The following HNRNPA1L2 variants were observed in gnomAD, a reference collection of about 807,000 sequenced individuals.
HNRNPA1L2 encodes heterogeneous nuclear ribonucleoprotein A1 like 2.
A neutral mutation model predicts 18.2 loss-of-function variants in HNRNPA1L2; 10 were observed. That is an observed-to-expected ratio of 0.55 (90% CI 0.34 to 0.93). The LOEUF is 0.93. Ranked by LOEUF, HNRNPA1L2 falls within the 40% of genes least tolerant of loss-of-function variation. HNRNPA1L2 has a pLI of 0.02. For missense variants in HNRNPA1L2, 308 were observed against 394.4 expected, an observed-to-expected ratio of 0.78 and a Z score of 1.85; for synonymous variants, 124 against 138.6, an observed-to-expected ratio of 0.89 and a Z score of 0.74.
chr13:52,620,482 T>G, the HNRNPA1L2 span, among the ~76,000 whole-genome samples: 2 of 152,326 alleles, frequency 1.3e-5, no homozygotes, highest in East Asian at 3.9e-4. Context: ...TGTAATGTGG[T>G]CCCCTGATCA....
chr13:52,627,005 CTCTT>C, the HNRNPA1L2 span, among the ~76,000 whole-genome samples: 1 of 152,168 alleles, frequency 6.6e-6, no homozygotes, highest in African/African-American at 2.4e-5. Flanking sequence ...GAGCTGAGTA[CTCTT>C]CCATTGTTTG....
the HNRNPA1L2 span, among the ~76,000 whole-genome samples, chr13:52,628,185 G>A: frequency 3.3e-5 from 5 of 152,168 alleles, no homozygotes; most frequent in Non-Finnish European, 5.9e-5. Context: ...GCTCATGCCC[G>A]TAATCCCAGC....
At chr13:52,630,095 A>C in the HNRNPA1L2 span, among the ~76,000 whole-genome samples, 1 of 152,262 alleles carries the variant, frequency 6.6e-6, no homozygotes, top group South Asian at 2.1e-4. Flanking sequence ...GCTATTTGAA[A>C]TTACTGAAGT....
Position 52,643,708 on chromosome 13 carries a change from G to A in HNRNPA1L2, c.*253G>A, listed in dbSNP as rs559797574. 6 of 547,036 alleles carry A rather than the reference G, an allele frequency of 1.1e-5. No individual in the cohort carries two copies. The highest frequency in any genetic ancestry group is 9.5e-5 in the African/African-American group (5 of 52,414). The allele number at this position is 547,036 out of a possible 1,614,324, so 33.9% of individuals were successfully genotyped here. ...AAGCATTCCAACAAAGTGTTTTAAT[G>A]TAGATTTTTTTTTTTGCACCCATGC... On this transcript the variant is annotated 3_prime_UTR_variant, in exon 1 of 1. Transcript: ENST00000357495.
chr13:52,637,391 C>T, the HNRNPA1L2 span: 2 of 241,304 alleles, frequency 8.3e-6, no homozygotes, highest in African/African-American at 4.6e-5. Flanking sequence ...GATTGAAGAA[C>T]TGATCCAGGG....
At chr13:52,626,656 C>T in the HNRNPA1L2 span, among the ~76,000 whole-genome samples, 1 of 151,776 alleles carries the variant, frequency 6.6e-6, no homozygotes, top group Non-Finnish European at 1.5e-5. Context: ...TTATATATAC[C>T]TTCACCCAGT....
At chr13:52,632,161 T>G in the HNRNPA1L2 span, among the ~76,000 whole-genome samples, 1 of 152,198 alleles carries the variant, frequency 6.6e-6, no homozygotes, top group African/African-American at 2.4e-5. Context: ...CAAATAAAAA[T>G]TAATGCTAAT....
chr13:52,639,580 T>C (rs1961576317), upstream of HNRNPA1L2, among the ~76,000 whole-genome samples: 1 of 151,928 alleles, frequency 6.6e-6, no homozygotes, highest in Non-Finnish European at 1.5e-5. Flanking sequence ...CAAAGAGAAG[T>C]GCTCTGAGTG....
upstream of HNRNPA1L2, among the ~76,000 whole-genome samples, chr13:52,639,315 A>G (rs569014570): frequency 2.0e-5 from 3 of 152,310 alleles, no homozygotes; most frequent in East Asian, 5.8e-4. Flanking sequence ...CGTTTAAGGT[A>G]GGCTAGTCTA....
In HNRNPA1L2 at chr13:52,643,513, G is replaced by C; in HGVS notation, c.*58G>C. ...CAGAGAAGTGACAGGGAAGCTACAG[G>C]TTACAACAGATTTGTGAACTCAGCC... On this transcript the variant is annotated 3_prime_UTR_variant, in exon 1 of 1. Coordinates refer to ENST00000357495, the MANE Select transcript of HNRNPA1L2 (RefSeq NM_001389320.1). The C allele has an allele frequency of 6.8e-7, 1 of 1,465,008 alleles. No individual in the cohort carries two copies. Among genetic ancestry groups the C allele is most frequent in the Non-Finnish European group, 9.4e-7 (1 of 1,063,288 alleles). The allele number at this position is 1,465,008 out of a possible 1,614,324, so 90.8% of individuals were successfully genotyped here.
the HNRNPA1L2 span, among the ~76,000 whole-genome samples, chr13:52,619,184 G>C: frequency 6.6e-6 from 1 of 151,766 alleles, no homozygotes; most frequent in Admixed American, 6.6e-5. Flanking sequence ...TTTTAGTAGA[G>C]ATGGGGTTTC....
chr13:52,636,368 G>A, the HNRNPA1L2 span, among the ~76,000 whole-genome samples: 1 of 152,148 alleles, frequency 6.6e-6, no homozygotes, highest in Non-Finnish European at 1.5e-5. Flanking sequence ...CAAGATGTTT[G>A]TACCATTTTA....
At chr13:52,635,832 T>TG in the HNRNPA1L2 span, among the ~76,000 whole-genome samples, 2 of 60,640 alleles carry the variant, frequency 3.3e-5, no homozygotes, top group Middle Eastern at 0.01. Context: ...TGTATTACTG[T>TG]TTTTTTTTTT....
chr13:52,634,891 C>G, the HNRNPA1L2 span, among the ~76,000 whole-genome samples: 1 of 152,116 alleles, frequency 6.6e-6, no homozygotes, highest in Non-Finnish European at 1.5e-5. Context: ...ATGAGGTCAT[C>G]TGAAAAAAGT....
rs1018946202 is a variant in HNRNPA1L2, at chr13:52,643,677, A to G, written c.*222A>G. ...TTATTTTAGTTTCTGTTCTGTGGAA[A>G]GTGTAAAGCATTCCAACAAAGTGTT... On this transcript the variant is annotated 3_prime_UTR_variant, in exon 1 of 1. Transcript: ENST00000357495. 1.3e-5 allele frequency: 8 copies of G among 595,834 alleles called. No individual in the cohort carries two copies. Among genetic ancestry groups the G allele is most frequent in the African/African-American group, 1.1e-4 (6 of 53,716 alleles). The allele number at this position is 595,834 out of a possible 1,614,324, so 36.9% of individuals were successfully genotyped here.
At chr13:52,637,378 T>G in the HNRNPA1L2 span, 1 of 237,854 alleles carries the variant, frequency 4.2e-6, no homozygotes, top group African/African-American at 2.3e-5. Flanking sequence ...CCCTTGAGAA[T>G]GAGATTGAAG....
At chr13:52,633,989 G>T in the HNRNPA1L2 span, among the ~76,000 whole-genome samples, 1 of 152,126 alleles carries the variant, frequency 6.6e-6, no homozygotes, top group Non-Finnish European at 1.5e-5. Flanking sequence ...CTACTCATGT[G>T]GCTTACAGAT....
the HNRNPA1L2 span, among the ~76,000 whole-genome samples, chr13:52,623,511 G>A: frequency 2.6e-5 from 4 of 152,080 alleles, no homozygotes; most frequent in African/African-American, 9.7e-5. Context: ...TTTATCAGTG[G>A]TCCTGTGTTT....
chr13:52,620,946 A>G, the HNRNPA1L2 span, among the ~76,000 whole-genome samples: 4 of 152,228 alleles, frequency 2.6e-5, no homozygotes, highest in South Asian at 2.1e-4. Flanking sequence ...TCAGCTTCAT[A>G]TAAGTAGGGA....
Sources: allele counts gnomAD v4.1 joint callset (sites outside exome capture counted in the v4.1 genomes callset), GRCh38; gene constraint gnomAD v4.1.1; transcripts MANE v1.5; gene names NCBI Gene and HGNC (gene_info 2026-07-23, HGNC 2026-07-21).